The following LRRC4C variants were observed in gnomAD, a reference collection of about 807,000 sequenced individuals.
The protein encoded by LRRC4C is leucine-rich repeat-containing protein 4C.
A neutral mutation model predicts 33.6 loss-of-function variants in LRRC4C; 5 were observed. The observed-to-expected ratio is 0.15, with a 90% CI of 0.08 to 0.31. The LOEUF (loss-of-function observed/expected upper bound fraction) is 0.31, where lower values mean the gene tolerates loss of function less well. Among genes scored for constraint, LRRC4C ranks in the 10% least tolerant of loss-of-function variants. LRRC4C has a pLI of 1.00. For missense variants in LRRC4C, 560 were observed against 796.7 expected (o/e 0.70, Z 3.58); for synonymous variants, 329 against 302.0 (o/e 1.09, Z -0.93).
intron 1 of LRRC4C, among the ~76,000 whole-genome samples, chr11:41,053,135 C>T (rs1327989344): frequency 3.9e-5 from 6 of 152,332 alleles, no homozygotes; most frequent in Admixed American, 1.3e-4. Context: ...TCTCCTCATA[C>T]TCCTGCCTGT....
At chr11:41,239,855 C>T (rs961003841) in intron 1 of LRRC4C, among the ~76,000 whole-genome samples, 2 of 152,054 alleles carry the variant, frequency 1.3e-5, no homozygotes, top group Non-Finnish European at 2.9e-5. Flanking sequence ...AAAAAGTAAT[C>T]ATCTATATTA....
chr11:40,642,809 AGAGTT>A (rs1942204483), intron 3 of LRRC4C, among the ~76,000 whole-genome samples: 1 of 152,190 alleles, frequency 6.6e-6, no homozygotes, highest in Non-Finnish European at 1.5e-5. Context: ...TAAACTTAGT[AGAGTT>A]ATTTTTTCTT....
chr11:40,626,419 C>G (rs11035971), intron 3 of LRRC4C, among the ~76,000 whole-genome samples: 65,764 of 151,946 alleles, frequency 0.43, 15,304 homozygotes, highest in Middle Eastern at 0.58. Flanking sequence ...CTGTCTCCAC[C>G]TATTCAAAAG....
At chr11:40,800,132 TGTTTAA>T (rs1201024088) in intron 2 of LRRC4C, among the ~76,000 whole-genome samples, 2 of 152,256 alleles carry the variant, frequency 1.3e-5, no homozygotes, top group African/African-American at 4.8e-5. Context: ...CAATTAATTT[TGTTTAA>T]GTTTTTTAGT....
intron 3 of LRRC4C, among the ~76,000 whole-genome samples, chr11:40,350,742 T>C (rs1441472566): frequency 6.6e-6 from 1 of 152,052 alleles, no homozygotes; most frequent in African/African-American, 2.4e-5. Flanking sequence ...TATCTTTCCA[T>C]TTATTTTTGT....
intron 6 of LRRC4C, among the ~76,000 whole-genome samples, chr11:40,131,774 T>C (rs1295945165): frequency 6.6e-6 from 1 of 152,192 alleles, no homozygotes; most frequent in Non-Finnish European, 1.5e-5. Context: ...CCATTATTCG[T>C]CTAGCACTGA....
At chr11:40,304,144 G>A (rs771183550) in intron 4 of LRRC4C, among the ~76,000 whole-genome samples, 8 of 152,164 alleles carry the variant, frequency 5.3e-5, no homozygotes, top group Admixed American at 1.3e-4. Context: ...GAGGCCTACA[G>A]ACCTGTATCA....
At chr11:40,747,208 G>T (rs111602941) in intron 2 of LRRC4C, among the ~76,000 whole-genome samples, 2 of 152,158 alleles carry the variant, frequency 1.3e-5, no homozygotes, top group African/African-American at 4.8e-5. Flanking sequence ...CCAAAGATCA[G>T]CCTACCTGGA....
intron 2 of LRRC4C, among the ~76,000 whole-genome samples, chr11:40,790,279 T>A (rs993899578): frequency 3.9e-5 from 6 of 152,092 alleles, no homozygotes; most frequent in Non-Finnish European, 8.8e-5. Flanking sequence ...AAAGATGATT[T>A]TATTTTTTCT....
chr11:40,380,641 T>C (rs1948828102), intron 3 of LRRC4C, among the ~76,000 whole-genome samples: 1 of 152,188 alleles, frequency 6.6e-6, no homozygotes, highest in Non-Finnish European at 1.5e-5. Context: ...CATGAGATAA[T>C]ACGTGTAAAG....
chr11:40,617,612 T>G (rs1961992012), intron 3 of LRRC4C, among the ~76,000 whole-genome samples: 1 of 151,678 alleles, frequency 6.6e-6, no homozygotes, highest in Non-Finnish European at 1.5e-5. Flanking sequence ...TATGCTCACT[T>G]CTCTCCTCAT....
At position 40,361,992 on chromosome 11, in the gene LRRC4C, G is replaced by A. The variant is rs141120435; in HGVS notation, c.-269-42271C>T. ...CAACTATCTGATATTTGACAAACCT[G>A]ATAAAAACAAGCAATGGGGAAAGGA... On this transcript the variant is annotated intron_variant, in intron 3 of 6. Transcript: ENST00000528697. Among the ~76,000 whole-genome samples the A allele has an allele frequency of 6.1e-3, 928 of 152,200 alleles. 10 individuals carry two copies. The highest frequency in any genetic ancestry group is 0.02 in the African/African-American group (849 of 41,548).
chr11:40,570,707 T>A (rs1957949072), intron 3 of LRRC4C, among the ~76,000 whole-genome samples: 1 of 152,164 alleles, frequency 6.6e-6, no homozygotes, highest in Non-Finnish European at 1.5e-5. Context: ...TCAGATATTA[T>A]TTCTCTGAGA....
At chr11:40,312,824 T>C in intron 4 of LRRC4C, among the ~76,000 whole-genome samples, 1 of 151,170 alleles carries the variant, frequency 6.6e-6, no homozygotes, top group East Asian at 1.9e-4. Flanking sequence ...GAAAGACATT[T>C]ATTTGAGCAT....
chr11:40,899,035 T>C (rs942792915), intron 2 of LRRC4C, among the ~76,000 whole-genome samples: 1 of 151,986 alleles, frequency 6.6e-6, no homozygotes, highest in Non-Finnish European at 1.5e-5. Context: ...TGGTTTACTG[T>C]ATTTAATCAC....
intron 2 of LRRC4C, among the ~76,000 whole-genome samples, chr11:40,806,607 A>C (rs1951262994): frequency 6.6e-6 from 1 of 152,366 alleles, no homozygotes; most frequent in African/African-American, 2.4e-5. Flanking sequence ...ATGGAACAAA[A>C]TTTTGGAAAA....
chr11:40,273,922 G>A (rs2136367449), intron 4 of LRRC4C, among the ~76,000 whole-genome samples: 1 of 152,204 alleles, frequency 6.6e-6, no homozygotes, highest in East Asian at 1.9e-4. Context: ...AACAAGGTGA[G>A]GATTTCAACC....
intron 2 of LRRC4C, among the ~76,000 whole-genome samples, chr11:40,842,089 A>G (rs1003290217): frequency 1.3e-5 from 2 of 152,232 alleles, no homozygotes; most frequent in Non-Finnish European, 2.9e-5. Flanking sequence ...TATGCTTCAC[A>G]GTGCAAGGTT....
At chr11:40,218,287 A>G (rs1315251602) in intron 5 of LRRC4C, among the ~76,000 whole-genome samples, 1 of 152,142 alleles carries the variant, frequency 6.6e-6, no homozygotes, top group African/African-American at 2.4e-5. Flanking sequence ...TTTCCACTAC[A>G]TTTGAATTTT....
Sources: gnomAD v4.1 joint callset for allele counts (sites outside exome capture counted in the v4.1 genomes callset) on GRCh38, gnomAD v4.1.1 for gene constraint, MANE v1.5 for transcripts, NCBI Gene and HGNC (gene_info 2026-07-23, HGNC 2026-07-21) for gene names.